LRGUK: variants seen among roughly 807,000 people sequenced by gnomAD.
The protein encoded by LRGUK is leucine rich repeats and guanylate kinase domain containing.
LRGUK carries 65 observed loss-of-function variants against 76.0 expected under a neutral mutation model. That is an observed-to-expected ratio of 0.85 (90% CI 0.70 to 1.05). LRGUK has a LOEUF of 1.05. Among genes scored for constraint, LRGUK ranks in the 50% least tolerant of loss-of-function variants. LRGUK has a pLI of 0.00. For synonymous variants in LRGUK, 268 were observed against 265.6 expected (o/e 1.01, Z -0.09); for missense variants, 758 against 732.8 (o/e 1.03, Z -0.40).
chr7:134,199,988 A>C (rs886669291), intron 14 of LRGUK, among the ~76,000 whole-genome samples: 12 of 82,708 alleles, frequency 1.5e-4, no homozygotes, highest in African/African-American at 5.4e-4. Context: ...ACTTTTATAT[A>C]TATATATATA....
chr7:134,233,820 C>G (rs1801955730), intron 16 of LRGUK, among the ~76,000 whole-genome samples: 1 of 152,144 alleles, frequency 6.6e-6, no homozygotes, highest in Non-Finnish European at 1.5e-5. Context: ...GTATCTTTGC[C>G]CTCTGCTCTT....
intron 19 of LRGUK, among the ~76,000 whole-genome samples, chr7:134,262,381 A>C (rs1218329636): frequency 6.6e-6 from 1 of 152,202 alleles, no homozygotes; most frequent in African/African-American, 2.4e-5. Flanking sequence ...CTCAAAAATA[A>C]ATAAAAATAA....
At chr7:134,186,086 A>T (rs1799970042) in intron 11 of LRGUK, among the ~76,000 whole-genome samples, 1 of 152,208 alleles carries the variant, frequency 6.6e-6, no homozygotes, top group African/African-American at 2.4e-5. Flanking sequence ...AACCAAAGTG[A>T]CCTATGAGGA....
intron 18 of LRGUK, 112 bp downstream of exon 18, chr7:134,249,188 T>G: frequency 2.4e-5 from 28 of 1,153,952 alleles, no homozygotes; most frequent in Non-Finnish European, 2.9e-5. Context: ...AGCAGGGCCC[T>G]AACTCCCGCT....
intron 7 of LRGUK, among the ~76,000 whole-genome samples, chr7:134,166,437 C>T (rs1263436231): frequency 6.6e-6 from 1 of 152,118 alleles, no homozygotes; most frequent in Non-Finnish European, 1.5e-5. Context: ...TAACCTCAGT[C>T]CTTTCTTCTA....
At chr7:134,264,986 T>C (rs1802830158), downstream of LRGUK, among the ~76,000 whole-genome samples, 2 of 152,214 alleles carry the variant, frequency 1.3e-5, no homozygotes, top group Non-Finnish European at 2.9e-5. Flanking sequence ...CACAATTTGC[T>C]GTTGGCTCTT....
downstream of LRGUK, among the ~76,000 whole-genome samples, chr7:134,214,162 T>C (rs1226396272): frequency 6.6e-6 from 1 of 152,004 alleles, no homozygotes; most frequent in Non-Finnish European, 1.5e-5. Context: ...GAAATAAAAA[T>C]GGCCAATAGA....
chr7:134,147,463 A>G (rs1798023457), intron 4 of LRGUK, among the ~76,000 whole-genome samples: 1 of 151,586 alleles, frequency 6.6e-6, no homozygotes, highest in Non-Finnish European at 1.5e-5. Context: ...TCTGGCATTT[A>G]GAGAGTAGCA....
chr7:134,143,019 A>T (rs758471486), intron 3 of LRGUK, 43 bp from the exon 4 acceptor site: 1 of 1,069,840 alleles, frequency 9.3e-7, no homozygotes, highest in Non-Finnish European at 1.4e-6. Context: ...TTGTCTTGTT[A>T]TTTTATTGGC....
At chr7:134,255,554 C>A (rs1450682886) in intron 18 of LRGUK, among the ~76,000 whole-genome samples, 1 of 152,188 alleles carries the variant, frequency 6.6e-6, no homozygotes, top group African/African-American at 2.4e-5. Context: ...TATTTTTTGT[C>A]TGACTTTCAT....
At chr7:134,194,432 T>G (rs1585531798) in intron 12 of LRGUK, among the ~76,000 whole-genome samples, 1 of 152,182 alleles carries the variant, frequency 6.6e-6, no homozygotes, top group Non-Finnish European at 1.5e-5. Context: ...AGAAACAGAA[T>G]CAATAGGATG....
chr7:134,268,891 G>C (rs911433999), downstream of LRGUK, among the ~76,000 whole-genome samples: 1 of 151,304 alleles, frequency 6.6e-6, no homozygotes, highest in Admixed American at 6.6e-5. Flanking sequence ...CACTGCACCC[G>C]GCTAATTTTT....
exon 7 of LRGUK, chr7:134,163,452 A>G: frequency 6.2e-7 from 1 of 1,613,992 alleles, no homozygotes; most frequent in Non-Finnish European, 8.5e-7. Context: ...GCCCTGCAGA[A>G]CCTGGATCTG....
chr7:134,229,769 G>T (rs1344427849), intron 16 of LRGUK, among the ~76,000 whole-genome samples: 2 of 152,066 alleles, frequency 1.3e-5, no homozygotes, highest in East Asian at 3.9e-4. Context: ...ATGGAAAGTT[G>T]ATTTATGAAA....
intron 19 of LRGUK, among the ~76,000 whole-genome samples, chr7:134,262,939 C>G (rs900370596): frequency 1.3e-4 from 18 of 138,222 alleles, no homozygotes; most frequent in Non-Finnish European, 6.0e-5. Context: ...CCACTGCACT[C>G]CAGCCTAGGT....
intron 5 of LRGUK, among the ~76,000 whole-genome samples, chr7:134,153,889 A>G (rs1277367338): frequency 6.6e-6 from 1 of 152,206 alleles, no homozygotes; most frequent in Non-Finnish European, 1.5e-5. Context: ...ACTATTTCTC[A>G]GTAACTGTTT....
At chr7:134,149,105 T>TA (rs1798098361) in intron 5 of LRGUK, among the ~76,000 whole-genome samples, 1 of 9,292 alleles carries the variant, frequency 1.1e-4, no homozygotes, top group Admixed American at 1.5e-3. Flanking sequence ...TGCTTTCTTT[T>TA]TTTAAAAAAA....
chr7:134,265,335 C>T (rs1802836918), downstream of LRGUK, among the ~76,000 whole-genome samples: 1 of 152,134 alleles, frequency 6.6e-6, no homozygotes, highest in African/African-American at 2.4e-5. Flanking sequence ...AAACCCTGAA[C>T]ATTATAGCTC....
intron 15 of LRGUK, among the ~76,000 whole-genome samples, chr7:134,217,153 CTT>C (rs75989063): frequency 8.2e-6 from 1 of 122,182 alleles, no homozygotes. Flanking sequence ...AATACTCATC[CTT>C]TTTTTTTTTT....
Sources: allele counts gnomAD v4.1 joint callset (sites outside exome capture counted in the v4.1 genomes callset), GRCh38; gene constraint gnomAD v4.1.1; transcripts MANE v1.5; gene names NCBI Gene and HGNC (gene_info 2026-07-23, HGNC 2026-07-21).